Variants in GRM3 observed in about 807,000 individuals in gnomAD.
The protein encoded by GRM3 is glutamate metabotropic receptor 3, also known as metabotropic glutamate receptor 3.
GRM3 carries 26 observed loss-of-function variants against 70.5 expected under a neutral mutation model. The observed-to-expected ratio is 0.37, with a 90% CI of 0.27 to 0.51. The LOEUF is 0.51. Among genes scored for constraint, GRM3 ranks in the 20% least tolerant of loss-of-function variants. The pLI, the probability that GRM3 is intolerant of heterozygous loss-of-function variation, is 0.93. For synonymous variants in GRM3, 443 were observed against 434.9 expected, an observed-to-expected ratio of 1.02 and a Z score of -0.23; for missense variants, 859 against 1,123.8, an observed-to-expected ratio of 0.76 and a Z score of 3.37.
chr7:86,767,294 A>G (rs886957321), intron 2 of GRM3, among the ~76,000 whole-genome samples: 5 of 151,798 alleles, frequency 3.3e-5, no homozygotes, highest in African/African-American at 4.8e-5. Context: ...GTGGTTCTCT[A>G]TGAGCTATTT....
chr7:86,666,688 G>A (rs1243690817), intron 1 of GRM3, among the ~76,000 whole-genome samples: 1 of 151,726 alleles, frequency 6.6e-6, no homozygotes, highest in African/African-American at 2.4e-5. Flanking sequence ...TTTTTAATGA[G>A]AAAATTGACT....
chr7:86,772,468 T>C (rs1248058310), intron 2 of GRM3, among the ~76,000 whole-genome samples: 1 of 152,088 alleles, frequency 6.6e-6, no homozygotes, highest in Non-Finnish European at 1.5e-5. Flanking sequence ...TCCCATTCTT[T>C]ACACATGTGC....
intron 1 of GRM3, among the ~76,000 whole-genome samples, chr7:86,659,658 A>G (rs993081840): frequency 6.6e-6 from 1 of 152,100 alleles, no homozygotes; most frequent in Admixed American, 6.6e-5. Context: ...TTTTTTAGAA[A>G]TGGAAGTTAG....
At position 86,698,744 on chromosome 7, in the gene GRM3, T is replaced by C. The variant is rs1040328592; in HGVS notation, c.-141+53872T>C. On this transcript the variant is annotated intron_variant, in intron 1 of 5. Coordinates refer to ENST00000361669, the MANE Select transcript of GRM3 (RefSeq NM_000840.3). ...GACAGAGAACAAAATGGGTTACCCA[T>C]GTGAATCTGAAAAGCCCTTAAGAAC... Among the ~76,000 whole-genome samples the C allele has an allele frequency of 3.3e-5, 5 of 151,966 alleles. No homozygotes were observed. In the South Asian group the frequency reaches 6.2e-4, roughly 19 times the overall value.
chr7:86,716,669 A>C (rs1340160369), intron 1 of GRM3, among the ~76,000 whole-genome samples: 2 of 138,628 alleles, frequency 1.4e-5, no homozygotes, highest in Non-Finnish European at 3.1e-5. Context: ...ATTGGCCACT[A>C]TTCCAGTTAT....
At chr7:86,856,500 TG>T (rs1798850137) in intron 5 of GRM3, among the ~76,000 whole-genome samples, 1 of 150,666 alleles carries the variant, frequency 6.6e-6, no homozygotes, top group South Asian at 2.1e-4. Context: ...TATTGGGTAC[TG>T]GGCTTATTTC....
In GRM3 at chr7:86,765,234, G is replaced by A. The variant is rs267601601; in HGVS notation, c.89G>A (p.Arg30Lys). 1 of 1,613,700 alleles carries A rather than the reference G, an allele frequency of 6.2e-7. No individual in the cohort carries two copies. The highest frequency in any genetic ancestry group is 8.5e-7 in the Non-Finnish European group (1 of 1,179,810). The change falls in exon 2 of 6, where the codon AGG (arginine) becomes AAG (lysine). Residue 30 changes from arginine (R) to lysine (K), a missense_variant. Arg to Lys is a conservative substitution (Grantham distance 26). Transcript: ENST00000361669. ...LLSLGDHNFL[R>K]REIKIEGDLV... is the part of the protein sequence containing the mutation. ...TCTTTAGGGGACCATAACTTTCTAA[G>A]GAGAGAGATTAAAATAGAAGGTGAC...
intron 1 of GRM3, among the ~76,000 whole-genome samples, chr7:86,667,649 A>G (rs1203234695): frequency 6.6e-6 from 1 of 152,154 alleles, no homozygotes; most frequent in Non-Finnish European, 1.5e-5. Context: ...ATGCTCTAGC[A>G]ATAGAGCATA....
At chr7:86,785,558 T>A (rs979331009) in intron 2 of GRM3, among the ~76,000 whole-genome samples, 2 of 151,916 alleles carry the variant, frequency 1.3e-5, no homozygotes, top group African/African-American at 4.8e-5. Context: ...TATTATTTCT[T>A]TTCACATAGT....
intron 1 of GRM3, among the ~76,000 whole-genome samples, chr7:86,654,138 A>G (rs911416910): frequency 6.6e-6 from 1 of 152,220 alleles, no homozygotes; most frequent in African/African-American, 2.4e-5. Context: ...AGCAGCGTTC[A>G]GAGCCACATG....
intron 1 of GRM3, among the ~76,000 whole-genome samples, chr7:86,698,498 G>C (rs1794876782): frequency 6.8e-6 from 1 of 147,374 alleles, no homozygotes. Context: ...CTGGTATAAA[G>C]AGTCCCATGT....
At chr7:86,645,013 A>G (rs887090537) in intron 1 of GRM3, 141 bp downstream of exon 1, 8 of 379,660 alleles carry the variant, frequency 2.1e-5, no homozygotes, top group Non-Finnish European at 3.5e-5. Context: ...CTGGAGTGGG[A>G]AGGGTGGAGG....
At chr7:86,769,724 C>G (rs1796691908) in intron 2 of GRM3, among the ~76,000 whole-genome samples, 1 of 152,134 alleles carries the variant, frequency 6.6e-6, no homozygotes, top group Non-Finnish European at 1.5e-5. Context: ...GATGAAGAAA[C>G]TGGATAATTA....
intron 1 of GRM3, among the ~76,000 whole-genome samples, chr7:86,682,598 A>G (rs1182626102): frequency 1.3e-5 from 2 of 152,160 alleles, no homozygotes; most frequent in East Asian, 3.8e-4. Flanking sequence ...TAAAAGGTGT[A>G]TTGCCATGAA....
chr7:86,808,030 T>A (rs1442234570), intron 3 of GRM3, among the ~76,000 whole-genome samples: 1 of 152,170 alleles, frequency 6.6e-6, no homozygotes, highest in Non-Finnish European at 1.5e-5. Flanking sequence ...TGGTTCTGTT[T>A]ATATGATGGA....
chr7:86,703,862 C>T (rs1794999253), intron 1 of GRM3, among the ~76,000 whole-genome samples: 1 of 151,846 alleles, frequency 6.6e-6, no homozygotes, highest in African/African-American at 2.4e-5. Flanking sequence ...AATAAACCTG[C>T]CCTAGACACT....
chr7:86,798,464 A>G (rs7800616), intron 3 of GRM3, among the ~76,000 whole-genome samples: 12,199 of 152,200 alleles, frequency 0.08, 590 homozygotes, highest in African/African-American at 0.13. Context: ...TTGGACTTGC[A>G]TGGGTCCTGT....
intron 2 of GRM3, among the ~76,000 whole-genome samples, chr7:86,783,576 A>G (rs1023335870): frequency 5.3e-5 from 8 of 152,182 alleles, no homozygotes; most frequent in African/African-American, 1.9e-4. Flanking sequence ...ACAACAGAAT[A>G]AACACATTTT....
At chr7:86,646,153 A>G (rs1044420665) in intron 1 of GRM3, among the ~76,000 whole-genome samples, 6 of 152,128 alleles carry the variant, frequency 3.9e-5, no homozygotes, top group African/African-American at 1.4e-4. Context: ...CCACTATGCT[A>G]AACTATGGAT....
Sources: allele counts gnomAD v4.1 joint callset (sites outside exome capture counted in the v4.1 genomes callset), GRCh38; gene constraint gnomAD v4.1.1; transcripts MANE v1.5; gene names NCBI Gene and HGNC (gene_info 2026-07-23, HGNC 2026-07-21).